IGSF11: variants seen among roughly 807,000 people sequenced by gnomAD.
IGSF11 encodes the protein CXADR like 1.
In IGSF11, 22 loss-of-function variants were observed where a neutral mutation model predicts 41.0. That is an observed-to-expected ratio of 0.54 (90% CI 0.38 to 0.77). The LOEUF (loss-of-function observed/expected upper bound fraction) is 0.77. Ranked by LOEUF, IGSF11 falls within the 30% of genes least tolerant of loss-of-function variation. The pLI is 0.00. For synonymous variants in IGSF11, 219 were observed against 201.3 expected (o/e 1.09, Z -0.74); for missense variants, 444 against 530.8 (o/e 0.84, Z 1.61).
chr3:119,112,514 A>C (rs1004582833), intron 1 of IGSF11: 1 of 152,306 alleles, frequency 6.6e-6, no homozygotes, highest in Non-Finnish European at 1.5e-5. Context: ...TTCCTTGACC[A>C]GGAAAGGGAA....
intron 1 of IGSF11, among the ~76,000 whole-genome samples, chr3:118,974,127 A>AG (rs1933787674): frequency 1.3e-5 from 2 of 152,104 alleles, no homozygotes; most frequent in South Asian, 4.1e-4. Context: ...TTAAAAAAAA[A>AG]AAGAAAAGAA....
At chr3:119,062,216 A>G (rs1469401900) in intron 1 of IGSF11, among the ~76,000 whole-genome samples, 2 of 152,208 alleles carry the variant, frequency 1.3e-5, no homozygotes, top group Admixed American at 1.3e-4. Context: ...GGGAGGAAAG[A>G]TCCATTGACT....
intron 1 of IGSF11, among the ~76,000 whole-genome samples, chr3:118,955,215 TACATAC>T (rs1559955410): frequency 3.0e-5 from 4 of 135,132 alleles, no homozygotes; most frequent in African/African-American, 1.3e-4. Flanking sequence ...TATGTATATG[TACATAC>T]ACACACACAC....
At position 118,946,203 on chromosome 3, in the gene IGSF11, C is replaced by T. The variant is rs1052539439; in HGVS notation, c.53-15928G>A. ...ATTAACCATTGGCTACACACACACACGCACACACACACACACACACACAAA... is the reference window on the plus strand; with the variant it reads ...ATTAACCATTGGCTACACACACACATGCACACACACACACACACACACAAA... On this transcript the variant is annotated intron_variant, in intron 1 of 6. Transcript: ENST00000393775. 5.7e-5 allele frequency among the ~76,000 whole-genome samples: 8 copies of T among 140,478 alleles called. No individual in the cohort carries two copies. The South Asian group carries it at 9.2e-4, about 16-fold the overall frequency. The allele number at this position is 140,478 out of a possible 152,430, so 92.2% of individuals were successfully genotyped here.
At chr3:118,976,950 G>GA (rs1171012658) in intron 1 of IGSF11, among the ~76,000 whole-genome samples, 4 of 151,996 alleles carry the variant, frequency 2.6e-5, no homozygotes, top group African/African-American at 9.7e-5. Context: ...ACTTCTGTAG[G>GA]AAAAAAAGAG....
chr3:119,047,453 T>A (rs1002815369), intron 1 of IGSF11, among the ~76,000 whole-genome samples: 3 of 152,158 alleles, frequency 2.0e-5, no homozygotes, highest in Non-Finnish European at 4.4e-5. Context: ...CTAACTATCC[T>A]AAATATATAT....
At chr3:119,107,871 C>G (rs2077062820), upstream of IGSF11, among the ~76,000 whole-genome samples, 1 of 147,488 alleles carries the variant, frequency 6.8e-6, no homozygotes, top group South Asian at 2.2e-4. Context: ...TTGTTTTTCT[C>G]AGGTTTGTCA....
At chr3:119,011,770 G>A (rs1240521645) in intron 1 of IGSF11, among the ~76,000 whole-genome samples, 1 of 152,136 alleles carries the variant, frequency 6.6e-6, no homozygotes, top group Non-Finnish European at 1.5e-5. Flanking sequence ...TTAAATGCCT[G>A]CTTACAAAGG....
intron 1 of IGSF11, among the ~76,000 whole-genome samples, chr3:118,942,134 A>G (rs1219977657): frequency 6.6e-6 from 1 of 152,208 alleles, no homozygotes; most frequent in East Asian, 1.9e-4. Context: ...ATTGTATGTA[A>G]GTTATACTTT....
chr3:119,113,574 C>T (rs762620432), intron 1 of IGSF11, among the ~76,000 whole-genome samples: 1 of 152,232 alleles, frequency 6.6e-6, no homozygotes, highest in Non-Finnish European at 1.5e-5. Flanking sequence ...CGGGCAGCTC[C>T]ACCCCTGTGG....
chr3:119,108,241 G>A (rs1044444359), upstream of IGSF11, among the ~76,000 whole-genome samples: 1 of 151,100 alleles, frequency 6.6e-6, no homozygotes, highest in African/African-American at 2.4e-5. Flanking sequence ...TCTTCCATTT[G>A]TTTATATCCT....
chr3:119,127,338 A>T (rs1224319812), intron 1 of IGSF11, among the ~76,000 whole-genome samples: 3 of 151,814 alleles, frequency 2.0e-5, no homozygotes, highest in Admixed American at 2.0e-4. Context: ...AAAAAAAATG[A>T]AAAGGAATGA....
intron 1 of IGSF11, among the ~76,000 whole-genome samples, chr3:119,012,455 G>C (rs753673040): frequency 6.6e-6 from 1 of 152,128 alleles, no homozygotes; most frequent in Non-Finnish European, 1.5e-5. Context: ...GAGGTATACT[G>C]TTTAGTAAAC....
At chr3:119,143,989 C>A (rs1159557171) in intron 1 of IGSF11, among the ~76,000 whole-genome samples, 1 of 151,712 alleles carries the variant, frequency 6.6e-6, no homozygotes, top group Non-Finnish European at 1.5e-5. Flanking sequence ...TTATATGAAG[C>A]AAACATTGAC....
intron 1 of IGSF11, among the ~76,000 whole-genome samples, chr3:118,965,718 T>G (rs1945625691): frequency 6.6e-6 from 1 of 152,154 alleles, no homozygotes; most frequent in Non-Finnish European, 1.5e-5. Context: ...ATGTGAGCTC[T>G]CAGTGCGAAG....
At chr3:118,936,899 G>C (rs56160739) in intron 1 of IGSF11, among the ~76,000 whole-genome samples, 1 of 152,012 alleles carries the variant, frequency 6.6e-6, no homozygotes. Context: ...ACAGACAATG[G>C]ACATTTTACT....
At chr3:118,996,617 T>C (rs1936293421) in intron 1 of IGSF11, among the ~76,000 whole-genome samples, 1 of 152,124 alleles carries the variant, frequency 6.6e-6, no homozygotes, top group South Asian at 2.1e-4. Context: ...TTGTTTTTGT[T>C]TTTTTTGAGT....
At chr3:118,928,445 A>G (rs193046028) in intron 3 of IGSF11, 64 bp downstream of exon 3, 247 of 1,284,844 alleles carry the variant, frequency 1.9e-4, no homozygotes, top group Non-Finnish European at 2.6e-4. Flanking sequence ...GGGCAGAAGC[A>G]AGTATGCTTG....
chr3:119,104,997 TCC>T, intron 1 of IGSF11: 1 of 548,494 alleles, frequency 1.8e-6, no homozygotes, highest in Non-Finnish European at 3.3e-6. Flanking sequence ...AAATGATTTT[TCC>T]CAGGACTTAG....
Sources: allele counts gnomAD v4.1 joint callset (sites outside exome capture counted in the v4.1 genomes callset), GRCh38; gene constraint gnomAD v4.1.1; transcripts MANE v1.5; gene names NCBI Gene and HGNC (gene_info 2026-07-23, HGNC 2026-07-21).